The following MITD1 variants were observed in gnomAD, a reference collection of about 807,000 sequenced individuals.
The protein encoded by MITD1 is microtubule interacting and trafficking domain containing 1.
MITD1 carries 24 observed loss-of-function variants against 34.9 expected under a neutral mutation model. The ratio of observed to expected loss-of-function variants is 0.69; its 90% CI spans 0.50 to 0.97. MITD1 has a LOEUF of 0.97. Among genes scored for constraint, MITD1 ranks in the 50% least tolerant of loss-of-function variants. The pLI is 0.00. For synonymous variants in MITD1, 102 were observed against 101.4 expected (o/e 1.01, Z -0.04); for missense variants, 266 against 294.6 (o/e 0.90, Z 0.71).
At chr2:99,166,979 G>A (rs1481589796), downstream of MITD1, among the ~76,000 whole-genome samples, 9 of 149,648 alleles carry the variant, frequency 6.0e-5, no homozygotes, top group African/African-American at 2.0e-4. Context: ...TTCTTTATGC[G>A]GAGTAAGACA....
downstream of MITD1, chr2:99,161,889 A>T: frequency 7.5e-7 from 1 of 1,341,236 alleles, no homozygotes; most frequent in Non-Finnish European, 1.0e-6. Flanking sequence ...GATAATTGAT[A>T]GTTAGAAAAT....
chr2:99,178,370 C>G (rs1304179513), intron 1 of MITD1: 1 of 152,166 alleles, frequency 6.6e-6, no homozygotes. Flanking sequence ...ACTTTACATC[C>G]TTGCCATATT....
rs771593501 is a variant in MITD1 at position 99,180,874 on chromosome 2, C to A, written c.108G>T (p.Val36=). The part of the protein sequence containing the change: ...DSESRYPQAL[V]CYQEGIDLLL... ...GCAGATCAATCCCCTCTTGGTAACACACCAGAGCCTGCGGATACCGCGACT... is the reference window on the plus strand; with the variant it reads ...GCAGATCAATCCCCTCTTGGTAACAAACCAGAGCCTGCGGATACCGCGACT... The change falls in exon 1 of 7, where the codon GTG becomes GTT. Residue 36 remains valine, a synonymous_variant. Coordinates refer to ENST00000289359, the MANE Select transcript of MITD1 (RefSeq NM_138798.3). The A allele has an allele frequency of 4.3e-6, 7 of 1,614,206 alleles. No homozygotes were observed. The highest frequency in any genetic ancestry group is 5.1e-6 in the Non-Finnish European group (6 of 1,180,032).
intron 7 of MITD1, chr2:99,162,814 AT>A (rs759160750): frequency 1.4e-5 from 23 of 1,614,030 alleles, no homozygotes; most frequent in Non-Finnish European, 1.9e-5. Flanking sequence ...ACTTCCTTTC[AT>A]GTGTTATATG....
intron 1 of MITD1, among the ~76,000 whole-genome samples, chr2:99,176,285 TGCATGTG>T (rs2093885876): frequency 6.6e-6 from 1 of 150,776 alleles, no homozygotes; most frequent in Admixed American, 6.6e-5. Context: ...GTCCAACTCT[TGCATGTG>T]GCCCAGGACA....
chr2:99,179,077 C>T (rs1041629114), intron 1 of MITD1, among the ~76,000 whole-genome samples: 3 of 152,198 alleles, frequency 2.0e-5, no homozygotes, highest in Non-Finnish European at 4.4e-5. Flanking sequence ...CTATAGATAT[C>T]TCTCTCCTGG....
downstream of MITD1, among the ~76,000 whole-genome samples, chr2:99,165,340 T>G (rs527948806): frequency 2.0e-5 from 3 of 152,148 alleles, no homozygotes; most frequent in African/African-American, 2.4e-5. Flanking sequence ...GTCCTGAGAT[T>G]ACAGGTGTGA....
downstream of MITD1, among the ~76,000 whole-genome samples, chr2:99,167,433 G>C (rs544591077): frequency 7.2e-5 from 11 of 152,148 alleles, no homozygotes; most frequent in South Asian, 8.3e-4. Flanking sequence ...ATTAGATCTG[G>C]GGATAGAACT....
At chr2:99,177,533 C>G (rs1287736650) in intron 1 of MITD1, among the ~76,000 whole-genome samples, 3 of 152,132 alleles carry the variant, frequency 2.0e-5, no homozygotes, top group Non-Finnish European at 4.4e-5. Context: ...TATCTGTCAT[C>G]TTAAATATTT....
chr2:99,172,873 A>T (rs940415706), intron 2 of MITD1: 1 of 149,036 alleles, frequency 6.7e-6, no homozygotes, highest in Non-Finnish European at 1.5e-5. Flanking sequence ...ACACAGCGAG[A>T]CTCCGTCTAA....
Position 99,181,023 on chromosome 2 carries a change from G to T in MITD1, c.-42C>A. 2 of 1,592,822 alleles carry T rather than the reference G, an allele frequency of 1.3e-6. No homozygotes were observed. Among genetic ancestry groups the T allele is most frequent in the South Asian group, 2.3e-5 (2 of 87,942 alleles). ...CTCCGCCTCAACCCAGGATGAAGTT[G>T]AGCGGGTCTGCTGCGCTTCCGGGAA... On this transcript the variant is annotated 5_prime_UTR_variant, in exon 1 of 7. Transcript: ENST00000289359.
intron 2 of MITD1, chr2:99,172,890 A>C (rs1056778912): frequency 6.6e-6 from 1 of 152,208 alleles, no homozygotes; most frequent in Non-Finnish European, 1.5e-5. Context: ...CTAAAAAAAA[A>C]AAAAAAAACC....
downstream of MITD1, among the ~76,000 whole-genome samples, chr2:99,164,512 A>C (rs1276084018): frequency 6.7e-6 from 1 of 149,092 alleles, no homozygotes; most frequent in Non-Finnish European, 1.5e-5. Context: ...ATTTTCTTTT[A>C]ATATATCTCA....
chr2:99,171,704 A>G (rs2105217337), intron 2 of MITD1, 58 bp from the exon 3 acceptor site: 3 of 1,494,278 alleles, frequency 2.0e-6, no homozygotes, highest in Non-Finnish European at 1.8e-6. Flanking sequence ...TACACATTTT[A>G]TATTTTATAT....
downstream of MITD1, among the ~76,000 whole-genome samples, chr2:99,168,978 T>TTTTTTTTTTG (rs70940146): frequency 1.9e-5 from 2 of 103,030 alleles, no homozygotes; most frequent in Admixed American, 1.2e-4. Context: ...TTTTTTTTTT[T>TTTTTTTTTTG]CTGATACAGG....
downstream of MITD1, among the ~76,000 whole-genome samples, chr2:99,164,360 TC>T (rs1214721007): frequency 6.9e-6 from 1 of 144,748 alleles, no homozygotes; most frequent in African/African-American, 2.6e-5. Context: ...GGTCTTACCC[TC>T]ACCCAGGCTG....
At position 99,170,254 on chromosome 2, in the gene MITD1, A is replaced by C. The variant is rs77317103; in HGVS notation, c.593+283T>G. On this transcript the variant is annotated intron_variant, in intron 5 of 6. Transcript: ENST00000289359. ...TATCATAACACTATATATACAGTTG[A>C]GTAGACAGAAAAGTGTTCTCTTTTT... 1.8e-4 allele frequency among the ~76,000 whole-genome samples: 27 copies of C among 152,310 alleles called. 1 individual carries two copies. Among genetic ancestry groups the C allele is most frequent in the African/African-American group, 6.0e-4 (25 of 41,560 alleles).
chr2:99,170,151 C>T (rs2093847585), intron 5 of MITD1, among the ~76,000 whole-genome samples: 1 of 152,144 alleles, frequency 6.6e-6, no homozygotes. Flanking sequence ...GTCATGCCTA[C>T]TAGAATATTT....
chr2:99,162,754 T>C, intron 7 of MITD1: 1 of 1,614,124 alleles, frequency 6.2e-7, no homozygotes, highest in South Asian at 1.1e-5. Flanking sequence ...GCCAAAGAAC[T>C]GCAAACTTGG....
Sources: gnomAD v4.1 joint callset for allele counts (sites outside exome capture counted in the v4.1 genomes callset) on GRCh38, gnomAD v4.1.1 for gene constraint, MANE v1.5 for transcripts, NCBI Gene and HGNC (gene_info 2026-07-23, HGNC 2026-07-21) for gene names.